The following MAST4 variants were observed in gnomAD, a reference collection of about 807,000 sequenced individuals.
The protein encoded by MAST4 is microtubule-associated serine/threonine-protein kinase 4.
A neutral mutation model predicts 162.7 loss-of-function variants in MAST4; 89 were observed. That is an observed-to-expected ratio of 0.55 (90% confidence interval 0.46 to 0.65). MAST4 has a LOEUF of 0.65. Among genes scored for constraint, MAST4 ranks in the 30% least tolerant of loss-of-function variants. The pLI, the probability that MAST4 is intolerant of heterozygous loss-of-function variation, is 0.00. For synonymous variants in MAST4, 1,479 were observed against 1,361.1 expected (o/e 1.09, Z -1.91); for missense variants, 3,153 against 3,374.0 (o/e 0.93, Z 1.62).
At chr5:67,101,279 C>T (rs986762505) in intron 8 of MAST4, among the ~76,000 whole-genome samples, 10 of 152,150 alleles carry the variant, frequency 6.6e-5, no homozygotes, top group African/African-American at 2.4e-4. Context: ...ATGGAGAGCT[C>T]GGGAACGACA....
In MAST4 at chr5:66,872,328, C is replaced by T. The variant is rs368423140; in HGVS notation, c.643-27623C>T. 2.8e-3 allele frequency among the ~76,000 whole-genome samples: 428 copies of T among 152,138 alleles called. 1 individual carries two copies. The highest frequency in any genetic ancestry group is 0.01 in the African/African-American group (417 of 41,512). Reference sequence around the variant, plus strand: ...GGGACTACAGGTGCCTGCCACCATGCCTGGCTAATTTTTGTATTTTTAGTA... The same window carrying T: ...GGGACTACAGGTGCCTGCCACCATGTCTGGCTAATTTTTGTATTTTTAGTA... On this transcript the variant is annotated intron_variant, in intron 3 of 28. Coordinates refer to ENST00000403625, the MANE Select transcript of MAST4 (RefSeq NM_001164664.2).
chr5:66,658,011 A>G (rs1175347437), intron 1 of MAST4, among the ~76,000 whole-genome samples: 1 of 152,318 alleles, frequency 6.6e-6, no homozygotes, highest in African/African-American at 2.4e-5. Flanking sequence ...GTACGCATGT[A>G]TATATTTATG....
intron 1 of MAST4, among the ~76,000 whole-genome samples, chr5:66,611,842 ACTG>A (rs1743309149): frequency 6.6e-6 from 1 of 152,228 alleles, no homozygotes; most frequent in Non-Finnish European, 1.5e-5. Flanking sequence ...TTTAATTACT[ACTG>A]CTGCTTTCTT....
intron 1 of MAST4, among the ~76,000 whole-genome samples, chr5:66,686,480 A>AAAGCTATTTTAATAAGACTTG: frequency 6.6e-6 from 1 of 152,354 alleles, no homozygotes; most frequent in East Asian, 1.9e-4. Context: ...TCATGAAACT[A>AAAGCTATTTTAATAAGACTTG]AAGCTATTTT....
In MAST4 at chr5:66,759,877, C is replaced by A. The variant is rs779337480; in HGVS notation, c.517+15C>A. 36 of 1,613,066 alleles carry A rather than the reference C, an allele frequency of 2.2e-5. No individual in the cohort carries two copies. In the South Asian group the frequency reaches 4.0e-4, roughly 18 times the overall value. ...AGCCCTGACTGGTGAGTCGCAGCGG[C>A]TTGGATGAGAGAAGGAATTGCATTT... On this transcript the variant is annotated intron_variant, in intron 2 of 28. Coordinates refer to ENST00000403625, the MANE Select transcript of MAST4 (RefSeq NM_001164664.2).
intron 1 of MAST4, among the ~76,000 whole-genome samples, chr5:66,597,241 C>G (rs1742248563): frequency 6.6e-6 from 1 of 152,180 alleles, no homozygotes; most frequent in South Asian, 2.1e-4. Context: ...CAGTGTGCTG[C>G]CTGATGGTGT....
rs960310978 is a variant in MAST4, at chr5:66,917,019, G to A, written c.674+17037G>A. On this transcript the variant is annotated intron_variant, in intron 4 of 28. Transcript: ENST00000403625. ...AGAAGTGGAATTGCTTGGTCAAACG[G>A]TATGTGTATTTCTAATTTTAATAGC... The A allele has an allele frequency of 4.2e-6, 3 of 717,844 alleles. No individual in the cohort carries two copies. In the African/African-American group the frequency reaches 5.2e-5, roughly 13 times the overall value. The allele number at this position is 717,844 out of a possible 1,614,324, so 44.5% of individuals were successfully genotyped here.
intron 1 of MAST4, among the ~76,000 whole-genome samples, chr5:66,717,450 T>G (rs1048723038): frequency 5.9e-5 from 9 of 152,330 alleles, no homozygotes; most frequent in South Asian, 4.1e-4. Context: ...CACTTTTAGT[T>G]TTGACTGTTT....
chr5:66,983,528 T>C (rs1749111621), intron 4 of MAST4, among the ~76,000 whole-genome samples: 1 of 152,218 alleles, frequency 6.6e-6, no homozygotes, highest in South Asian at 2.1e-4. Flanking sequence ...GCTATTTGTG[T>C]AGTATCTCTA....
At chr5:66,980,511 G>A (rs545948374) in intron 4 of MAST4, among the ~76,000 whole-genome samples, 3 of 152,194 alleles carry the variant, frequency 2.0e-5, no homozygotes, top group Non-Finnish European at 4.4e-5. Context: ...GAAACCATGT[G>A]TGGTTTTGGA....
At chr5:66,779,440 T>C (rs933806526) in intron 2 of MAST4, among the ~76,000 whole-genome samples, 1 of 148,436 alleles carries the variant, frequency 6.7e-6, no homozygotes, top group African/African-American at 2.5e-5. Context: ...CAGTTCAATA[T>C]AGGAGTCAGT....
intron 3 of MAST4, among the ~76,000 whole-genome samples, chr5:66,799,833 A>G (rs1755829980): frequency 6.6e-6 from 1 of 152,182 alleles, no homozygotes; most frequent in South Asian, 2.1e-4. Context: ...TGACCTTACC[A>G]CTTACTAGAT....
intron 4 of MAST4, among the ~76,000 whole-genome samples, chr5:66,973,314 C>T (rs557877219): frequency 1.9e-3 from 290 of 151,712 alleles, no homozygotes; most frequent in African/African-American, 6.7e-3. Context: ...TGTCAGAATC[C>T]AGTTAAAGAT....
At chr5:67,044,701 T>TG (rs893669494) in intron 4 of MAST4, among the ~76,000 whole-genome samples, 3 of 152,076 alleles carry the variant, frequency 2.0e-5, no homozygotes, top group African/African-American at 7.2e-5. Flanking sequence ...TTTTATAGAG[T>TG]GGGGTTTCCC....
chr5:67,149,122 C>A (rs1771462005), intron 23 of MAST4, among the ~76,000 whole-genome samples: 1 of 152,126 alleles, frequency 6.6e-6, no homozygotes, highest in African/African-American at 2.4e-5. Flanking sequence ...CCTCTGGTTA[C>A]ATGGAGTCAT....
chr5:66,822,914 C>G (rs1056384129), intron 3 of MAST4, among the ~76,000 whole-genome samples: 1 of 152,158 alleles, frequency 6.6e-6, no homozygotes, highest in African/African-American at 2.4e-5. Context: ...TATCTTATCC[C>G]AGCTGATATG....
intron 2 of MAST4, among the ~76,000 whole-genome samples, chr5:66,777,222 T>C (rs1580425893): frequency 6.6e-6 from 1 of 152,224 alleles, no homozygotes; most frequent in African/African-American, 2.4e-5. Context: ...GAACCAGGTA[T>C]GCTCCAAGTT....
rs547085883 is a variant in MAST4, at chr5:66,727,129, TGAA to T, written c.364-32574_364-32572del. Among the ~76,000 whole-genome samples the T allele has an allele frequency of 3.6e-3, 552 of 152,218 alleles. 3 individuals carry two copies. Among genetic ancestry groups the T allele is most frequent in the African/African-American group, 0.013 (531 of 41,544 alleles). ...GGTGGTTGCATGTAAGGGATGAAGA[TGAA>T]GAAGAGTCAAGTATGTTTTAAACTT... On this transcript the variant is annotated intron_variant, in intron 1 of 28. Coordinates refer to ENST00000403625, the MANE Select transcript of MAST4 (RefSeq NM_001164664.2).
chr5:66,941,833 T>A (rs1743403558), intron 4 of MAST4, among the ~76,000 whole-genome samples: 1 of 152,118 alleles, frequency 6.6e-6, no homozygotes, highest in Non-Finnish European at 1.5e-5. Context: ...GTAGGGTTAC[T>A]AAATGGCCAA....
Sources: gnomAD v4.1 joint callset for allele counts (sites outside exome capture counted in the v4.1 genomes callset) on GRCh38, gnomAD v4.1.1 for gene constraint, MANE v1.5 for transcripts, NCBI Gene and HGNC (gene_info 2026-07-23, HGNC 2026-07-21) for gene names.